Variants in PCDHGB7 observed in about 807,000 individuals in gnomAD.
PCDHGB7 encodes protocadherin gamma-B7.
PCDHGB7 carries 37 observed loss-of-function variants against 61.4 expected under a neutral mutation model. That is an observed-to-expected ratio of 0.60 (90% CI 0.46 to 0.79). The LOEUF (loss-of-function observed/expected upper bound fraction) is 0.79. PCDHGB7 is among the 30% of genes least tolerant of loss of function. The pLI, the probability that PCDHGB7 is intolerant of heterozygous loss-of-function variation, is 0.00. For missense variants in PCDHGB7, 1,166 were observed against 1,202.5 expected, an observed-to-expected ratio of 0.97 and a Z score of 0.45; for synonymous variants, 464 against 503.5, an observed-to-expected ratio of 0.92 and a Z score of 1.05.
At chr5:141,480,085 A>G (rs2099512286) in intron 1 of PCDHGB7, among the ~76,000 whole-genome samples, 1 of 152,216 alleles carries the variant, frequency 6.6e-6, no homozygotes, top group Admixed American at 6.5e-5. Context: ...TGCATGATAT[A>G]ATGTATGCAA....
intron 2 of PCDHGB7, among the ~76,000 whole-genome samples, chr5:141,498,309 G>A (rs2099783046): frequency 6.6e-6 from 1 of 151,844 alleles, no homozygotes; most frequent in Non-Finnish European, 1.5e-5. Flanking sequence ...GGGTCACACT[G>A]CCTACACAGA....
chr5:141,423,546 G>A, intron 1 of PCDHGB7: 1 of 1,613,708 alleles, frequency 6.2e-7, no homozygotes, highest in Non-Finnish European at 8.5e-7. Flanking sequence ...TTTTCCCCCA[G>A]CCCAACTATG....
At position 141,511,399 on chromosome 5, in the gene PCDHGB7, A is replaced by C; in HGVS notation, c.*226A>C. 1.0e-6 allele frequency: 1 copy of C among 987,714 alleles called. No homozygotes were observed. The highest frequency in any genetic ancestry group is 1.4e-6 in the Non-Finnish European group (1 of 693,342). The allele number at this position is 987,714 out of a possible 1,614,324, so 61.2% of individuals were successfully genotyped here. ...CAGTTCCGCTGGGAACCCCCATCCA[A>C]TCAACTGCTGTACCCATGGGGGTAG... On this transcript the variant is annotated 3_prime_UTR_variant, in exon 4 of 4. Transcript: ENST00000398594.
In PCDHGB7 at chr5:141,418,050, G is replaced by T; in HGVS notation, c.191G>T (p.Arg64Leu). Residue 64 changes from arginine (R) to leucine (L), a missense_variant, in exon 1 of 4, where the codon CGC (arginine) becomes CTC (leucine). Coordinates refer to ENST00000398594, the MANE Select transcript of PCDHGB7 (RefSeq NM_018927.4). ...LGLSVLDVSA[R>L]ELRVSAEKLH... ...CTTAGTGTCCTGGATGTGTCGGCTCGCGAGCTGCGAGTGAGCGCGGAGAAG... is the reference window on the plus strand; with the variant it reads ...CTTAGTGTCCTGGATGTGTCGGCTCTCGAGCTGCGAGTGAGCGCGGAGAAG... 6.2e-7 allele frequency: 1 copy of T among 1,613,576 alleles called. No individual in the cohort carries two copies. The highest frequency in any genetic ancestry group is 8.5e-7 in the Non-Finnish European group (1 of 1,179,820).
intron 1 of PCDHGB7, among the ~76,000 whole-genome samples, chr5:141,473,185 G>A (rs1171761852): frequency 1.3e-5 from 2 of 152,188 alleles, no homozygotes; most frequent in Non-Finnish European, 2.9e-5. Flanking sequence ...ACTTGAAGGA[G>A]TAAATGTATC....
chr5:141,422,898 C>T (rs2096684110), intron 1 of PCDHGB7: 2 of 1,614,250 alleles, frequency 1.2e-6, no homozygotes, highest in Middle Eastern at 1.6e-4. Flanking sequence ...TGGACCAGAA[C>T]GACAATGCGC....
intron 2 of PCDHGB7, among the ~76,000 whole-genome samples, chr5:141,495,175 C>A (rs1337353259): frequency 6.6e-6 from 1 of 152,300 alleles, no homozygotes; most frequent in Middle Eastern, 3.4e-3. Flanking sequence ...TGGGTGAAAG[C>A]GAGGCTTTCT....
At chr5:141,427,695 C>T in intron 1 of PCDHGB7, 1 of 918,214 alleles carries the variant, frequency 1.1e-6, no homozygotes, top group Non-Finnish European at 1.7e-6. Context: ...CTCCATCCCA[C>T]AAGTCAGCGC....
chr5:141,482,514 G>A (rs2099563611), intron 1 of PCDHGB7, among the ~76,000 whole-genome samples: 1 of 130,122 alleles, frequency 7.7e-6, no homozygotes. Flanking sequence ...CCAGAGTACA[G>A]TATGAGACAG....
chr5:141,424,127 A>T (rs901831932), intron 1 of PCDHGB7: 1 of 486,538 alleles, frequency 2.1e-6, no homozygotes, highest in African/African-American at 2.1e-5. Flanking sequence ...GATCCTGTTG[A>T]TTTAATAGCA....
chr5:141,501,664 TATAG>T (rs1161034391), intron 2 of PCDHGB7, among the ~76,000 whole-genome samples: 1 of 152,064 alleles, frequency 6.6e-6, no homozygotes, highest in East Asian at 1.9e-4. Flanking sequence ...TGTTGGAAAA[TATAG>T]ATAATCACAA....
Position 141,419,316 on chromosome 5 carries a change from G to T in PCDHGB7, c.1457G>T (p.Arg486Leu). ...ASDPDFGLNG[R>L]VSYSLIASDL... Reference sequence around the variant, plus strand: ...GACCCAGACTTCGGGCTCAACGGCCGTGTCTCCTACTCTCTCATTGCCAGC... The same window carrying T: ...GACCCAGACTTCGGGCTCAACGGCCTTGTCTCCTACTCTCTCATTGCCAGC... Residue 486 changes from arginine to leucine, a missense_variant, in exon 1 of 4, where the codon CGT becomes CTT. Physicochemically the swap from Arg to Leu is moderately radical, Grantham distance 102 (BLOSUM62 -2). Transcript: ENST00000398594. The T allele has an allele frequency of 1.2e-6, 2 of 1,613,994 alleles. No homozygotes were observed. The highest frequency in any genetic ancestry group is 1.7e-6 in the Non-Finnish European group (2 of 1,179,900).
chr5:141,430,622 A>T, intron 1 of PCDHGB7: 1 of 752,270 alleles, frequency 1.3e-6, no homozygotes, highest in Admixed American at 2.9e-5. Context: ...GATAGCTAGG[A>T]ATGAACCATC....
intron 1 of PCDHGB7, among the ~76,000 whole-genome samples, chr5:141,480,339 T>A (rs764049837): frequency 1.3e-4 from 20 of 152,010 alleles, no homozygotes; most frequent in Non-Finnish European, 2.4e-4. Context: ...TGCTTGAGCC[T>A]GGGAGGTTGA....
chr5:141,492,464 C>G (rs1595116794), intron 1 of PCDHGB7, among the ~76,000 whole-genome samples: 1 of 152,354 alleles, frequency 6.6e-6, no homozygotes, highest in Non-Finnish European at 1.5e-5. Context: ...GCCTGAGGGT[C>G]CCAGATCGCG....
intron 3 of PCDHGB7, chr5:141,508,179 AG>A (rs1250335236): frequency 1.3e-5 from 2 of 152,326 alleles, no homozygotes; most frequent in Non-Finnish European, 2.9e-5. Flanking sequence ...ACAGGAGAGA[AG>A]GCATCACCCC....
At chr5:141,499,184 A>G (rs2099789986) in intron 2 of PCDHGB7, among the ~76,000 whole-genome samples, 1 of 151,726 alleles carries the variant, frequency 6.6e-6, no homozygotes, top group African/African-American at 2.4e-5. Context: ...CCAGCAAACC[A>G]TTTCCCCCTT....
Position 141,486,859 on chromosome 5 carries a change from T to C in PCDHGB7, c.2416-7948T>C, listed in dbSNP as rs1231188225. ...TTGTGCTGGACCTCAATGACAATGC[T>C]CCAGCTGTGCTCCGTCCTCGGGCCC... On this transcript the variant is annotated intron_variant, in intron 1 of 3. Transcript: ENST00000398594. The surrounding 1 kb of genome is among the most constrained non-coding windows in gnomAD (Gnocchi z 5.0). The C allele has an allele frequency of 1.9e-6, 3 of 1,614,242 alleles. No individual in the cohort carries two copies. The highest frequency in any genetic ancestry group is 2.7e-5 in the African/African-American group (2 of 75,072).
chr5:141,472,183 A>G (rs2099273731), intron 1 of PCDHGB7, among the ~76,000 whole-genome samples: 1 of 152,190 alleles, frequency 6.6e-6, no homozygotes, highest in South Asian at 2.1e-4. Flanking sequence ...CCAGTATTGG[A>G]ATTTGAATCT....
Sources: allele counts gnomAD v4.1 joint callset (sites outside exome capture counted in the v4.1 genomes callset), GRCh38; gene constraint gnomAD v4.1.1; non-coding constraint Gnocchi (gnomAD v3.1); transcripts MANE v1.5; gene names NCBI Gene and HGNC (gene_info 2026-07-23, HGNC 2026-07-21).